The following MAGI1 variants were observed in gnomAD, a reference collection of about 807,000 sequenced individuals.
The protein encoded by MAGI1 is membrane associated guanylate kinase, WW and PDZ domain containing 1.
A neutral mutation model predicts 139.9 loss-of-function variants in MAGI1; 58 were observed. That is an observed-to-expected ratio of 0.41 (90% CI 0.34 to 0.52). The LOEUF is 0.52. MAGI1 is among the 20% of genes least tolerant of loss of function. The probability of loss-of-function intolerance (pLI) is 0.12; values close to 1 mark genes in which losing one functional copy is unlikely to be tolerated. For missense variants in MAGI1, 1,874 were observed against 1,901.6 expected, an observed-to-expected ratio of 0.99 and a Z score of 0.27; for synonymous variants, 812 against 737.9, an observed-to-expected ratio of 1.10 and a Z score of -1.63.
intron 1 of MAGI1, among the ~76,000 whole-genome samples, chr3:65,825,394 T>C (rs1482262536): frequency 1.3e-5 from 2 of 152,210 alleles, no homozygotes; most frequent in African/African-American, 4.8e-5. Flanking sequence ...CTCACAAAAG[T>C]AGCACTTCTC....
intron 1 of MAGI1, among the ~76,000 whole-genome samples, chr3:65,897,411 TCAA>T (rs1203957555): frequency 6.6e-6 from 1 of 150,622 alleles, no homozygotes; most frequent in Admixed American, 6.6e-5. Flanking sequence ...AGGTGGGAAT[TCAA>T]CAACGAGAAC....
At chr3:65,827,065 T>C (rs2042266971) in intron 1 of MAGI1, among the ~76,000 whole-genome samples, 1 of 152,194 alleles carries the variant, frequency 6.6e-6, no homozygotes, top group South Asian at 2.1e-4. Context: ...GGGTTCACTT[T>C]CTATAATCCA....
chr3:65,734,570 G>GGAGAGA (rs143441869), intron 1 of MAGI1, among the ~76,000 whole-genome samples: 1,795 of 145,998 alleles, frequency 0.012, 41 homozygotes, highest in African/African-American at 0.042. Flanking sequence ...AGAGAGAGAG[G>GGAGAGA]GAGAGAGAGA....
At chr3:66,033,134 T>C (rs1055109464) in intron 1 of MAGI1, among the ~76,000 whole-genome samples, 1 of 151,742 alleles carries the variant, frequency 6.6e-6, no homozygotes, top group African/African-American at 2.4e-5. Context: ...TCTCAAGCGA[T>C]TCTCCCACTC....
chr3:65,622,795 G>A (rs1291174825), intron 1 of MAGI1, among the ~76,000 whole-genome samples: 4 of 152,056 alleles, frequency 2.6e-5, no homozygotes, highest in East Asian at 3.9e-4. Context: ...TCAAACTCCC[G>A]GCCTCAAGTG....
intron 2 of MAGI1, among the ~76,000 whole-genome samples, chr3:65,596,621 C>G (rs1394422665): frequency 2.0e-5 from 3 of 152,212 alleles, no homozygotes; most frequent in Admixed American, 6.5e-5. Context: ...ACACTGTGGA[C>G]AAGACAGCTT....
chr3:65,890,390 A>G (rs755844534), intron 1 of MAGI1, among the ~76,000 whole-genome samples: 1 of 152,036 alleles, frequency 6.6e-6, no homozygotes, highest in African/African-American at 2.4e-5. Flanking sequence ...CAAACAAAAA[A>G]ACTCATCATA....
intron 2 of MAGI1, among the ~76,000 whole-genome samples, chr3:65,530,823 G>GTA (rs1372118677): frequency 7.4e-5 from 1 of 13,582 alleles, no homozygotes; most frequent in African/African-American, 2.2e-4. Flanking sequence ...ATATATACAC[G>GTA]TATATATATA....
chr3:65,378,691 T>A (rs1047374730), intron 17 of MAGI1, among the ~76,000 whole-genome samples: 9 of 151,730 alleles, frequency 5.9e-5, no homozygotes, highest in African/African-American at 2.2e-4. Context: ...TTCTTTTTTT[T>A]TTTTTTTTAA....
intron 2 of MAGI1, among the ~76,000 whole-genome samples, chr3:65,613,469 C>G (rs886143942): frequency 2.0e-5 from 3 of 152,162 alleles, no homozygotes; most frequent in Non-Finnish European, 4.4e-5. Flanking sequence ...CCCTGAGAAC[C>G]TTACAATAAA....
intron 13 of MAGI1, among the ~76,000 whole-genome samples, chr3:65,399,066 G>A (rs1377823913): frequency 6.6e-6 from 1 of 151,984 alleles, no homozygotes; most frequent in Non-Finnish European, 1.5e-5. Flanking sequence ...AACATTGTCA[G>A]GAGCCTCTAA....
At chr3:65,934,346 C>T (rs939622601) in intron 1 of MAGI1, among the ~76,000 whole-genome samples, 1 of 151,160 alleles carries the variant, frequency 6.6e-6, no homozygotes, top group Non-Finnish European at 1.5e-5. Flanking sequence ...ATCCTCCTGT[C>T]TCAGCCTCCC....
At chr3:65,894,617 C>A (rs1296885880) in intron 1 of MAGI1, among the ~76,000 whole-genome samples, 2 of 152,066 alleles carry the variant, frequency 1.3e-5, no homozygotes, top group African/African-American at 2.4e-5. Context: ...AATACAATAC[C>A]AAGAGTATTC....
At chr3:66,037,143 G>A (rs550854987) in intron 1 of MAGI1, among the ~76,000 whole-genome samples, 69 of 152,216 alleles carry the variant, frequency 4.5e-4, no homozygotes, top group African/African-American at 1.5e-3. Context: ...CACTTAACCA[G>A]TATCAATCCC....
intron 2 of MAGI1, among the ~76,000 whole-genome samples, chr3:65,589,741 G>A (rs1214885016): frequency 6.6e-6 from 1 of 151,660 alleles, no homozygotes; most frequent in African/African-American, 2.4e-5. Context: ...CCAGGTTCCA[G>A]TAAAACTTTA....
chr3:65,592,636 T>C (rs932250883), intron 2 of MAGI1, among the ~76,000 whole-genome samples: 2 of 152,172 alleles, frequency 1.3e-5, no homozygotes, highest in African/African-American at 2.4e-5. Context: ...TATGTGCATA[T>C]ATATATTAGT....
At chr3:65,563,223 A>G (rs920738965) in intron 2 of MAGI1, among the ~76,000 whole-genome samples, 2 of 152,192 alleles carry the variant, frequency 1.3e-5, no homozygotes, top group African/African-American at 4.8e-5. Flanking sequence ...ATAATATTTA[A>G]TTAAATTATA....
intron 1 of MAGI1, among the ~76,000 whole-genome samples, chr3:65,916,160 G>A (rs1459747723): frequency 4.6e-5 from 7 of 151,652 alleles, no homozygotes; most frequent in African/African-American, 9.7e-5. Context: ...TTTGCCTCCC[G>A]GGTTGACGCG....
Position 65,552,896 on chromosome 3 carries a change from A to G in MAGI1, c.431-59265T>C, listed in dbSNP as rs114745891. On this transcript the variant is annotated intron_variant, in intron 2 of 22. Coordinates refer to ENST00000402939, the MANE Select transcript of MAGI1 (RefSeq NM_001033057.2). Reference sequence around the variant, plus strand: ...TAGGTTTTGTGTAATATCCTGATTAACTTATGTCTCCTGTTCACAGATGGT... The same window carrying G: ...TAGGTTTTGTGTAATATCCTGATTAGCTTATGTCTCCTGTTCACAGATGGT... 5.5e-3 allele frequency among the ~76,000 whole-genome samples: 841 copies of G among 152,300 alleles called. 5 individuals carry two copies. The highest frequency in any genetic ancestry group is 8.7e-3 in the Non-Finnish European group (593 of 68,016).
Sources: gnomAD v4.1 joint callset for allele counts (sites outside exome capture counted in the v4.1 genomes callset) on GRCh38, gnomAD v4.1.1 for gene constraint, MANE v1.5 for transcripts, NCBI Gene and HGNC (gene_info 2026-07-23, HGNC 2026-07-21) for gene names.